Variants in CNTNAP2 observed in about 807,000 individuals in gnomAD.
CNTNAP2 encodes contactin-associated protein-like 2.
A neutral mutation model predicts 155.2 loss-of-function variants in CNTNAP2; 98 were observed. The ratio of observed to expected loss-of-function variants is 0.63; its 90% CI spans 0.54 to 0.75. The LOEUF (loss-of-function observed/expected upper bound fraction) is 0.75, where lower values mean the gene tolerates loss of function less well. Ranked by LOEUF, CNTNAP2 falls within the 30% of genes least tolerant of loss-of-function variation. CNTNAP2 has a pLI of 0.00. For synonymous variants in CNTNAP2, 651 were observed against 631.2 expected (o/e 1.03, Z -0.47); for missense variants, 1,727 against 1,688.1 (o/e 1.02, Z -0.40).
intron 21 of CNTNAP2, among the ~76,000 whole-genome samples, chr7:148,353,927 G>A (rs1004081748): frequency 3.3e-5 from 5 of 152,064 alleles, no homozygotes; most frequent in East Asian, 1.9e-4. Context: ...TTTTATTACC[G>A]AGGATTCTCA....
At chr7:146,580,576 A>G (rs956393046) in intron 1 of CNTNAP2, among the ~76,000 whole-genome samples, 54 of 151,966 alleles carry the variant, frequency 3.6e-4, no homozygotes, top group Non-Finnish European at 7.7e-4. Flanking sequence ...CTCAAAGCCC[A>G]AACTATTTTC....
At position 148,376,722 on chromosome 7, in the gene CNTNAP2, GTCTTTATTTAA is replaced by G. The variant is rs2116648622; in HGVS notation, c.3476-6926_3476-6916del. Among the ~76,000 whole-genome samples the G allele has an allele frequency of 2.9e-5, 2 of 68,190 alleles. 1 individual carries two copies. Among genetic ancestry groups the G allele is most frequent in the East Asian group, 8.7e-4 (2 of 2,308 alleles). 44.7% of individuals were successfully genotyped at this position (68,190 alleles called of 152,430 possible). A position where few individuals can be genotyped will look rare whatever the true frequency, so the allele number is the denominator to read the frequency against. On this transcript the variant is annotated intron_variant, in intron 21 of 23. Transcript: ENST00000361727. ...ATAAATACAATGAAATTTCATTCATGTCTTTATTTAAGGGATGAATAAAATGTCACAGTACC... is the reference window on the plus strand; with the variant it reads ...ATAAATACAATGAAATTTCATTCATGGGGATGAATAAAATGTCACAGTACC...
chr7:147,591,542 T>A (rs1428896728), intron 12 of CNTNAP2, among the ~76,000 whole-genome samples: 3 of 152,160 alleles, frequency 2.0e-5, no homozygotes, highest in Non-Finnish European at 4.4e-5. Flanking sequence ...CACATGAGTA[T>A]CTTCTAATCT....
intron 1 of CNTNAP2, among the ~76,000 whole-genome samples, chr7:146,705,128 G>A (rs530583785): frequency 1.4e-4 from 22 of 152,152 alleles, no homozygotes; most frequent in South Asian, 2.1e-4. Flanking sequence ...TGCTAATGCC[G>A]TGATGAGAGC....
At chr7:148,293,291 A>G (rs372633513) in intron 21 of CNTNAP2, among the ~76,000 whole-genome samples, 4 of 152,338 alleles carry the variant, frequency 2.6e-5, no homozygotes, top group East Asian at 1.9e-4. Flanking sequence ...CTGCAGTATT[A>G]AAGTTAGATA....
rs572766639 is a variant in CNTNAP2, at chr7:146,525,337, A to G, written c.98-248934A>G. Reference sequence around the variant, plus strand: ...TACATATTTTCATGTTGTCACATTTACATCTGAGAATTATTGGTGGAAAAC... The same window carrying G: ...TACATATTTTCATGTTGTCACATTTGCATCTGAGAATTATTGGTGGAAAAC... On this transcript the variant is annotated intron_variant, in intron 1 of 23. Transcript: ENST00000361727. Among the ~76,000 whole-genome samples the G allele has an allele frequency of 8.5e-5, 13 of 152,250 alleles. No individual in the cohort carries two copies. The East Asian group carries it at 2.1e-3, about 25-fold the overall frequency.
intron 8 of CNTNAP2, among the ~76,000 whole-genome samples, chr7:147,289,940 T>A (rs1805264549): frequency 6.6e-6 from 1 of 152,218 alleles, no homozygotes; most frequent in African/African-American, 2.4e-5. Context: ...ATAGCACCAC[T>A]ATTACTCCAT....
chr7:147,849,147 TAA>T (rs1277386217), intron 13 of CNTNAP2, among the ~76,000 whole-genome samples: 2 of 152,256 alleles, frequency 1.3e-5, no homozygotes, highest in African/African-American at 4.8e-5. Flanking sequence ...TGCCATTTTA[TAA>T]CTTTCATTTT....
intron 9 of CNTNAP2, among the ~76,000 whole-genome samples, chr7:147,370,657 G>C (rs1002428371): frequency 6.6e-6 from 1 of 152,098 alleles, no homozygotes; most frequent in Non-Finnish European, 1.5e-5. Context: ...ATGCCTAATA[G>C]ATACCCAATA....
At chr7:147,493,848 G>T (rs1367847932) in intron 11 of CNTNAP2, among the ~76,000 whole-genome samples, 2 of 152,140 alleles carry the variant, frequency 1.3e-5, no homozygotes. Context: ...ATATTCAGAG[G>T]ATTTGTTTGC....
intron 1 of CNTNAP2, among the ~76,000 whole-genome samples, chr7:146,712,387 A>ATATAGTATACATATCTTATGTATACTG: frequency 6.9e-6 from 1 of 145,270 alleles, no homozygotes; most frequent in Admixed American, 6.9e-5. Context: ...TATGTATACT[A>ATATAGTATACATATCTTATGTATACTG]TATATATAAA....
chr7:147,315,730 CA>C (rs1458816050), intron 9 of CNTNAP2, among the ~76,000 whole-genome samples: 3 of 152,036 alleles, frequency 2.0e-5, no homozygotes, highest in Admixed American at 2.0e-4. Context: ...CCACCCGCCT[CA>C]GCCTCCCAAA....
intron 12 of CNTNAP2, among the ~76,000 whole-genome samples, chr7:147,605,490 A>G (rs3922334): frequency 0.93 from 141,903 of 152,158 alleles, 66,287 homozygotes; most frequent in East Asian, 1. Context: ...AGCAAAGGTT[A>G]CCTTGTCATG....
intron 9 of CNTNAP2, among the ~76,000 whole-genome samples, chr7:147,319,403 A>C (rs2692152): frequency 6.6e-6 from 1 of 151,964 alleles, no homozygotes; most frequent in Non-Finnish European, 1.5e-5. Context: ...TTAAGACAAC[A>C]GTCTCACTCT....
chr7:146,147,248 G>A (rs1329243145), intron 1 of CNTNAP2, among the ~76,000 whole-genome samples: 1 of 152,098 alleles, frequency 6.6e-6, no homozygotes, highest in African/African-American at 2.4e-5. Context: ...TGTTTAATTG[G>A]GAAGGAAGCA....
intron 15 of CNTNAP2, among the ~76,000 whole-genome samples, chr7:148,097,364 C>T (rs201710459): frequency 8.0e-6 from 1 of 124,640 alleles, no homozygotes; most frequent in South Asian, 2.6e-4. Context: ...AAAAAAAAAC[C>T]ATAAAAAATA....
chr7:147,957,139 G>A (rs1308150697), intron 14 of CNTNAP2, among the ~76,000 whole-genome samples: 1 of 152,168 alleles, frequency 6.6e-6, no homozygotes, highest in Non-Finnish European at 1.5e-5. Context: ...TAAGAGAAAA[G>A]GAGTGAAAGT....
At chr7:148,321,658 C>G (rs1386277147) in intron 21 of CNTNAP2, among the ~76,000 whole-genome samples, 1 of 152,184 alleles carries the variant, frequency 6.6e-6, no homozygotes, top group Non-Finnish European at 1.5e-5. Flanking sequence ...CTCTTGACAT[C>G]CCAGGTAGGA....
At position 147,919,788 on chromosome 7, in the gene CNTNAP2, C is replaced by T. The variant is rs192965015; in HGVS notation, c.2255+16067C>T. 7.1e-3 allele frequency among the ~76,000 whole-genome samples: 1,074 copies of T among 151,248 alleles called. 3 individuals carry two copies. Among genetic ancestry groups the T allele is most frequent in the Middle Eastern group, 0.01 (3 of 292 alleles). On this transcript the variant is annotated intron_variant, in intron 14 of 23. Coordinates refer to ENST00000361727, the MANE Select transcript of CNTNAP2 (RefSeq NM_014141.6). ...TTTCTATTTTTTGTGTTTTTCTCCG[C>T]GTTGCTCAGGCCAGTCTGGAACTCC...
Sources: gnomAD v4.1 joint callset for allele counts (sites outside exome capture counted in the v4.1 genomes callset) on GRCh38, gnomAD v4.1.1 for gene constraint, MANE v1.5 for transcripts, NCBI Gene and HGNC (gene_info 2026-07-23, HGNC 2026-07-21) for gene names.